The following PCDHA8 variants were observed in gnomAD, a reference collection of about 807,000 sequenced individuals.
PCDHA8 encodes protocadherin alpha 8.
Under a neutral mutation model 61.8 loss-of-function variants are expected in PCDHA8, and 53 were observed. The ratio of observed to expected loss-of-function variants is 0.86; its 90% CI spans 0.69 to 1.08. The LOEUF (loss-of-function observed/expected upper bound fraction) is 1.08. Ranked by LOEUF, PCDHA8 falls within the 50% of genes least tolerant of loss-of-function variation. PCDHA8 has a pLI of 0.00. For missense variants in PCDHA8, 1,293 were observed against 1,245.0 expected (o/e 1.04, Z -0.58); for synonymous variants, 618 against 556.6 (o/e 1.11, Z -1.55).
chr5:140,902,894 A>G (rs1370660183), intron 1 of PCDHA8, among the ~76,000 whole-genome samples: 1 of 152,170 alleles, frequency 6.6e-6, no homozygotes, highest in Non-Finnish European at 1.5e-5. Flanking sequence ...CTATTATTTT[A>G]TTTAGTTTAT....
At chr5:140,850,986 T>A in intron 1 of PCDHA8, 1 of 1,450,124 alleles carries the variant, frequency 6.9e-7, no homozygotes, top group Non-Finnish European at 9.1e-7. Flanking sequence ...TTTATTCATT[T>A]TTCTAGAAAT....
intron 1 of PCDHA8, chr5:140,869,477 A>T: frequency 1.2e-6 from 2 of 1,614,208 alleles, no homozygotes; most frequent in African/African-American, 2.7e-5. Context: ...GAGGTGAAGG[A>T]CATTAACGAC....
intron 1 of PCDHA8, among the ~76,000 whole-genome samples, chr5:140,886,622 C>T (rs1483241958): frequency 6.6e-6 from 1 of 151,430 alleles, no homozygotes; most frequent in Non-Finnish European, 1.5e-5. Context: ...GATCAGGAGT[C>T]CGAGACCAGC....
intron 1 of PCDHA8, chr5:140,861,340 C>T (rs1364602007): frequency 3.6e-6 from 1 of 276,532 alleles, no homozygotes; most frequent in African/African-American, 2.2e-5. Context: ...TGGAAGAGGC[C>T]AAGGACGGCA....
intron 1 of PCDHA8, among the ~76,000 whole-genome samples, chr5:140,932,733 C>A (rs2088585680): frequency 1.3e-5 from 2 of 151,034 alleles, no homozygotes; most frequent in Admixed American, 6.6e-5. Context: ...TAATATAGAC[C>A]CTCAAATCAG....
Position 141,009,979 on chromosome 5 carries a change from T to C in PCDHA8, c.*42T>C. 2.5e-6 allele frequency: 4 copies of C among 1,583,392 alleles called. No individual in the cohort carries two copies. Among genetic ancestry groups the C allele is most frequent in the Non-Finnish European group, 3.4e-6 (4 of 1,168,152 alleles). On this transcript the variant is annotated 3_prime_UTR_variant, in exon 4 of 4. Coordinates refer to ENST00000531613, the MANE Select transcript of PCDHA8 (RefSeq NM_018911.3). The stretch of plus-strand genomic sequence containing the variant: ...CAAGCCACTTAGCCAGTTTTTGTAA[T>C]AATGGCAAATCTCTCCCATGTAGCA...
At chr5:140,944,413 C>T (rs892243235) in intron 1 of PCDHA8, among the ~76,000 whole-genome samples, 3 of 152,292 alleles carry the variant, frequency 2.0e-5, no homozygotes, top group African/African-American at 7.2e-5. Context: ...TCTCGAACTC[C>T]TGATCTGAAG....
chr5:140,936,798 T>C (rs2091152803), intron 1 of PCDHA8, among the ~76,000 whole-genome samples: 1 of 152,240 alleles, frequency 6.6e-6, no homozygotes, highest in Admixed American at 6.5e-5. Context: ...TGCTTCAAGA[T>C]TAACTTAGCT....
intron 1 of PCDHA8, chr5:140,870,919 CT>C (rs1562653796): frequency 5.6e-6 from 9 of 1,613,952 alleles, no homozygotes; most frequent in Non-Finnish European, 7.6e-6. Flanking sequence ...CAACGCGTGG[CT>C]TTCATATGAA....
chr5:140,947,987 C>G (rs1554218389), intron 1 of PCDHA8, among the ~76,000 whole-genome samples: 1 of 144,778 alleles, frequency 6.9e-6, no homozygotes, highest in African/African-American at 2.6e-5. Context: ...AGGTTTTTCC[C>G]AAATACTTTA....
chr5:140,951,076 A>G (rs2094545866), intron 1 of PCDHA8, among the ~76,000 whole-genome samples: 1 of 151,566 alleles, frequency 6.6e-6, no homozygotes, highest in Non-Finnish European at 1.5e-5. Flanking sequence ...GCTTTCTTAT[A>G]TTTTCCTTTT....
intron 1 of PCDHA8, among the ~76,000 whole-genome samples, chr5:140,908,047 C>T (rs976734426): frequency 4.6e-5 from 7 of 152,208 alleles, no homozygotes; most frequent in African/African-American, 1.7e-4. Context: ...AATTGCACAT[C>T]CGGCCATTTC....
intron 1 of PCDHA8, among the ~76,000 whole-genome samples, chr5:140,941,270 T>TTTCC (rs1378866749): frequency 2.2e-5 from 3 of 136,668 alleles, no homozygotes; most frequent in Admixed American, 7.6e-5. Context: ...TCTTTCTTTC[T>TTTCC]TTCCTTCCTT....
chr5:140,902,572 G>A (rs1249141591), intron 1 of PCDHA8, among the ~76,000 whole-genome samples: 1 of 151,954 alleles, frequency 6.6e-6, no homozygotes, highest in Non-Finnish European at 1.5e-5. Flanking sequence ...GGGTTTTTAA[G>A]ATTTCAATAG....
chr5:140,974,751 G>A (rs530548991), intron 1 of PCDHA8, among the ~76,000 whole-genome samples: 11 of 152,284 alleles, frequency 7.2e-5, no homozygotes, highest in African/African-American at 2.4e-4. Flanking sequence ...GCCTCCCAAA[G>A]TGCTGGGATT....
At chr5:140,928,641 G>A in intron 1 of PCDHA8, 1 of 1,614,196 alleles carries the variant, frequency 6.2e-7, no homozygotes, top group Non-Finnish European at 8.5e-7. Context: ...TCACAAAAGT[G>A]GTAGCAGAGG....
chr5:140,841,828 C>A lies in PCDHA8; in HGVS notation c.507C>A (p.Thr169=). Residue 169 remains threonine, a synonymous_variant, in exon 1 of 4, where the codon ACC becomes ACA. Transcript: ENST00000531613. ...ATGTTGGAGCTAACTCCGTGTTAACCTACAGGCTTAGCTCTCATGATTACT... is the reference window on the plus strand; with the variant it reads ...ATGTTGGAGCTAACTCCGTGTTAACATACAGGCTTAGCTCTCATGATTACT... ...DADVGANSVL[T]YRLSSHDYFM... The A allele has an allele frequency of 6.2e-7, 1 of 1,613,892 alleles. No individual in the cohort carries two copies. Among genetic ancestry groups the A allele is most frequent in the Middle Eastern group, 1.6e-4 (1 of 6,062 alleles).
intron 1 of PCDHA8, among the ~76,000 whole-genome samples, chr5:140,889,648 A>G (rs1414947366): frequency 6.6e-6 from 1 of 152,094 alleles, no homozygotes; most frequent in African/African-American, 2.4e-5. Flanking sequence ...TGTTTGCAGG[A>G]GATGTCCTCT....
At chr5:140,863,619 G>T (rs929497963) in intron 1 of PCDHA8, 8 of 333,052 alleles carry the variant, frequency 2.4e-5, no homozygotes, top group South Asian at 1.3e-4. Context: ...CCCTCATAGT[G>T]ACATTGATAA....
Sources: allele counts gnomAD v4.1 joint callset (sites outside exome capture counted in the v4.1 genomes callset), GRCh38; gene constraint gnomAD v4.1.1; transcripts MANE v1.5; gene names NCBI Gene and HGNC (gene_info 2026-07-23, HGNC 2026-07-21).